Variants in LINGO2 observed in about 807,000 individuals in gnomAD.
The protein encoded by LINGO2 is leucine-rich repeat and immunoglobulin-like domain-containing nogo receptor-interacting protein 2.
In LINGO2, 14 loss-of-function variants were observed where a neutral mutation model predicts 30.6. That is an observed-to-expected ratio of 0.46 (90% CI 0.30 to 0.72). The LOEUF is 0.72. Ranked by LOEUF, LINGO2 falls within the 30% of genes least tolerant of loss-of-function variation. The probability of loss-of-function intolerance (pLI) is 0.07; values close to 1 mark genes in which losing one functional copy is unlikely to be tolerated. For synonymous variants in LINGO2, 317 were observed against 288.5 expected, an observed-to-expected ratio of 1.10 and a Z score of -1.00; for missense variants, 729 against 751.7, an observed-to-expected ratio of 0.97 and a Z score of 0.35.
At position 28,129,867 on chromosome 9, in the gene LINGO2, T is replaced by G. The variant is rs533630170; in HGVS notation, c.-86-117462A>C. On this transcript the variant is annotated intron_variant, in intron 4 of 5. Coordinates refer to ENST00000379992, the Ensembl canonical transcript of LINGO2. The surrounding 1 kb of genome is among the most constrained non-coding windows in gnomAD (Gnocchi z 4.0). Reference sequence around the variant, plus strand: ...AGAACACTTGGAAAATAAAGAAACATGCATAGAAAAAATATGTTGTTCTTT... The same window carrying G: ...AGAACACTTGGAAAATAAAGAAACAGGCATAGAAAAAATATGTTGTTCTTT... Among the ~76,000 whole-genome samples, 2 of 152,170 alleles carry G rather than the reference T, an allele frequency of 1.3e-5. No individual in the cohort carries two copies. Among genetic ancestry groups the G allele is most frequent in the Non-Finnish European group, 2.9e-5 (2 of 68,032 alleles).
chr9:28,377,932 T>C (rs1821194155), intron 2 of LINGO2, among the ~76,000 whole-genome samples: 1 of 152,210 alleles, frequency 6.6e-6, no homozygotes, highest in African/African-American at 2.4e-5. Context: ...TTCTATGCAG[T>C]TGTGAGAAAA....
chr9:28,638,648 G>A (rs1431241839), intron 1 of LINGO2, among the ~76,000 whole-genome samples: 1 of 152,104 alleles, frequency 6.6e-6, no homozygotes, highest in Non-Finnish European at 1.5e-5. Context: ...TTGTATTTCT[G>A]TGGGATCGGC....
chr9:28,278,178 G>T (rs1823196229), intron 4 of LINGO2, among the ~76,000 whole-genome samples: 1 of 152,200 alleles, frequency 6.6e-6, no homozygotes, highest in African/African-American at 2.4e-5. Context: ...GGAAAAAAAA[G>T]TTGAACACTA....
chr9:28,041,401 G>T (rs1399981400), intron 4 of LINGO2, among the ~76,000 whole-genome samples: 1 of 152,078 alleles, frequency 6.6e-6, no homozygotes, highest in Non-Finnish European at 1.5e-5. Flanking sequence ...TTACCTGTGT[G>T]CTTCTGTGTA....
chr9:28,015,121 G>A (rs2798786), intron 4 of LINGO2, among the ~76,000 whole-genome samples: 1,769 of 152,144 alleles, frequency 0.012, 26 homozygotes, highest in African/African-American at 0.039. Flanking sequence ...CAACCAAATC[G>A]TCCACGCTAC....
the LINGO2 span, among the ~76,000 whole-genome samples, chr9:29,175,385 G>A: frequency 6.6e-6 from 1 of 152,064 alleles, no homozygotes; most frequent in Non-Finnish European, 1.5e-5. Flanking sequence ...TTCTGTTGCG[G>A]TTTCACTGCT....
chr9:28,434,422 G>T (rs932611973), intron 2 of LINGO2, among the ~76,000 whole-genome samples: 1 of 151,238 alleles, frequency 6.6e-6, no homozygotes, highest in Admixed American at 6.6e-5. Context: ...GACCCTCCTG[G>T]TTAGTCAATC....
At chr9:28,631,616 T>C (rs1349750453) in intron 1 of LINGO2, among the ~76,000 whole-genome samples, 2 of 152,080 alleles carry the variant, frequency 1.3e-5, no homozygotes, top group Non-Finnish European at 2.9e-5. Flanking sequence ...GGGGAAAGTG[T>C]ATGAAACTTT....
intron 5 of LINGO2, among the ~76,000 whole-genome samples, chr9:27,980,397 C>T (rs1434104030): frequency 6.6e-6 from 1 of 151,920 alleles, no homozygotes; most frequent in African/African-American, 2.4e-5. Flanking sequence ...TGGTAAGGCA[C>T]AGCAATTGGA....
the LINGO2 span, among the ~76,000 whole-genome samples, chr9:28,852,435 A>G: frequency 4.0e-5 from 6 of 151,702 alleles, no homozygotes; most frequent in African/African-American, 1.2e-4. Context: ...ACCAAAATAT[A>G]TTTTTCAACA....
chr9:28,025,663 G>T (rs1481631730), intron 4 of LINGO2, among the ~76,000 whole-genome samples: 1 of 152,208 alleles, frequency 6.6e-6, no homozygotes, highest in Non-Finnish European at 1.5e-5. Flanking sequence ...TTGGAGGCCA[G>T]TTTAAAACTC....
chr9:28,055,326 G>C (rs1475037061), intron 4 of LINGO2, among the ~76,000 whole-genome samples: 2 of 152,116 alleles, frequency 1.3e-5, no homozygotes, highest in African/African-American at 4.8e-5. Context: ...TGATAGAACA[G>C]GTACAGGTGG....
the LINGO2 span, among the ~76,000 whole-genome samples, chr9:29,045,866 T>C: frequency 1.3e-5 from 2 of 152,154 alleles, no homozygotes; most frequent in African/African-American, 2.4e-5. Flanking sequence ...ACCTCCCTGG[T>C]TGGCTATATT....
At chr9:28,092,651 C>T (rs907714903) in intron 4 of LINGO2, among the ~76,000 whole-genome samples, 13 of 151,850 alleles carry the variant, frequency 8.6e-5, no homozygotes, top group African/African-American at 3.1e-4. Context: ...ACGTATGTAA[C>T]AAACCTGCAC....
At chr9:28,443,834 G>A (rs1004963187) in intron 2 of LINGO2, among the ~76,000 whole-genome samples, 1 of 152,190 alleles carries the variant, frequency 6.6e-6, no homozygotes, top group Non-Finnish European at 1.5e-5. Flanking sequence ...CTAGGTGGGA[G>A]GGGGTGGTCT....
In LINGO2 at chr9:28,644,119, T is replaced by C. The variant is rs143661307; in HGVS notation, c.-365+26081A>G. 1.9e-4 allele frequency among the ~76,000 whole-genome samples: 29 copies of C among 152,104 alleles called. No homozygotes were observed. In the East Asian group the frequency reaches 4.8e-3, roughly 25 times the overall value. ...ATTAGCACAATCACTATGGATAGTT[T>C]GGACATTCCTCAAAAAACCAAAAAA... On this transcript the variant is annotated intron_variant, in intron 1 of 5. Transcript: ENST00000379992.
the LINGO2 span, among the ~76,000 whole-genome samples, chr9:28,883,403 C>G: frequency 2.2e-4 from 34 of 151,438 alleles, no homozygotes; most frequent in South Asian, 5.8e-3. Context: ...CATAGTGTTC[C>G]TTCTGCCTAG....
rs535175511 is a variant in LINGO2, at chr9:27,998,131, C to A, written c.-36+14224G>T. ...GGCCCTTGAAAGGTAAGGTCTGTTT[C>A]TCTTGCTACTTGAATCTGAGCTAGC... On this transcript the variant is annotated intron_variant, in intron 5 of 5. Transcript: ENST00000379992. Among the ~76,000 whole-genome samples the A allele has an allele frequency of 5.9e-5, 9 of 152,238 alleles. No homozygotes were observed. In the South Asian group the frequency reaches 1.9e-3, roughly 32 times the overall value.
chr9:28,710,036 T>A, the LINGO2 span, among the ~76,000 whole-genome samples: 1 of 151,100 alleles, frequency 6.6e-6, no homozygotes, highest in Non-Finnish European at 1.5e-5. Context: ...GAAATATACA[T>A]CTCGGATGCC....
Sources: allele counts gnomAD v4.1 joint callset (sites outside exome capture counted in the v4.1 genomes callset), GRCh38; gene constraint gnomAD v4.1.1; non-coding constraint Gnocchi (gnomAD v3.1); transcripts MANE v1.5; gene names NCBI Gene and HGNC (gene_info 2026-07-23, HGNC 2026-07-21).